RNF13: variants seen among roughly 807,000 people sequenced by gnomAD.
RNF13 encodes ring finger protein 13.
In RNF13, 19 loss-of-function variants were observed where a neutral mutation model predicts 37.7. The observed-to-expected ratio is 0.50, with a 90% CI of 0.35 to 0.74. RNF13 has a LOEUF of 0.74. Ranked by LOEUF, RNF13 falls within the 30% of genes least tolerant of loss-of-function variation. RNF13 has a pLI of 0.01. For missense variants in RNF13, 375 were observed against 453.0 expected, an observed-to-expected ratio of 0.83 and a Z score of 1.56; for synonymous variants, 144 against 157.8, an observed-to-expected ratio of 0.91 and a Z score of 0.65.
At chr3:149,859,693 A>G (rs1285809627) in intron 3 of RNF13, among the ~76,000 whole-genome samples, 1 of 152,050 alleles carries the variant, frequency 6.6e-6, no homozygotes, top group African/African-American at 2.4e-5. Flanking sequence ...TATTTTTCTC[A>G]TTAGAAGAGT....
At chr3:149,831,381 T>C (rs1721035795) in intron 1 of RNF13, among the ~76,000 whole-genome samples, 1 of 152,198 alleles carries the variant, frequency 6.6e-6, no homozygotes, top group Non-Finnish European at 1.5e-5. Context: ...GGAGCCCACC[T>C]CTTCCTCAGC....
At chr3:149,883,293 T>C (rs1282617171) in intron 4 of RNF13, among the ~76,000 whole-genome samples, 2 of 152,094 alleles carry the variant, frequency 1.3e-5, no homozygotes, top group African/African-American at 4.8e-5. Flanking sequence ...AGTTTAATAA[T>C]TTCTATTCCT....
chr3:149,910,455 A>AT (rs1320090497), intron 6 of RNF13, among the ~76,000 whole-genome samples: 1 of 152,128 alleles, frequency 6.6e-6, no homozygotes, highest in Non-Finnish European at 1.5e-5. Context: ...AATTCCTGGT[A>AT]TTTTTTGTTT....
intron 8 of RNF13, among the ~76,000 whole-genome samples, chr3:149,930,544 G>T (rs1576554467): frequency 6.6e-6 from 1 of 152,124 alleles, no homozygotes; most frequent in East Asian, 1.9e-4. Context: ...TGATGTCTTT[G>T]CCTAGTTGTG....
chr3:149,880,496 T>A (rs1021646746), intron 4 of RNF13, among the ~76,000 whole-genome samples: 2 of 152,194 alleles, frequency 1.3e-5, no homozygotes, highest in African/African-American at 4.8e-5. Flanking sequence ...GTGTGGTTCA[T>A]TACAAAGTAA....
intron 5 of RNF13, 150 bp from the exon 6 acceptor site, chr3:149,901,922 T>C: frequency 2.3e-6 from 1 of 429,822 alleles, no homozygotes; most frequent in Non-Finnish European, 4.2e-6. Context: ...ATTTTGATGA[T>C]GAATAAAATC....
chr3:149,826,412 G>C (rs577391623), intron 1 of RNF13, among the ~76,000 whole-genome samples: 1 of 152,258 alleles, frequency 6.6e-6, no homozygotes, highest in South Asian at 2.1e-4. Flanking sequence ...CTCAAGATCT[G>C]CCCTTTCTCT....
intron 1 of RNF13, among the ~76,000 whole-genome samples, chr3:149,816,821 G>T (rs1343204913): frequency 2.0e-5 from 3 of 152,188 alleles, no homozygotes; most frequent in Admixed American, 1.3e-4. Flanking sequence ...AAGCCTAGAA[G>T]TAGGAATACC....
At chr3:149,823,854 A>C (rs1387920286) in intron 1 of RNF13, among the ~76,000 whole-genome samples, 3 of 152,240 alleles carry the variant, frequency 2.0e-5, no homozygotes, top group Non-Finnish European at 4.4e-5. Flanking sequence ...TACGGAGTTA[A>C]AGTTGTAAAA....
chr3:149,921,410 T>C (rs1273249415), intron 8 of RNF13, among the ~76,000 whole-genome samples, 183 bp downstream of exon 8: 1 of 152,202 alleles, frequency 6.6e-6, no homozygotes, highest in East Asian at 1.9e-4. Flanking sequence ...CATCAACTCG[T>C]CATTTACATT....
chr3:149,838,122 C>T (rs561492404), intron 1 of RNF13, among the ~76,000 whole-genome samples: 6 of 152,320 alleles, frequency 3.9e-5, no homozygotes, highest in South Asian at 2.1e-4. Context: ...ATCCAGGTCA[C>T]GCTGATGCAA....
At chr3:149,915,798 A>G (rs1367951039) in intron 7 of RNF13, among the ~76,000 whole-genome samples, 1 of 152,204 alleles carries the variant, frequency 6.6e-6, no homozygotes, top group Non-Finnish European at 1.5e-5. Flanking sequence ...AGCCAAATTC[A>G]TAGAGACAGA....
At chr3:149,938,175 A>C (rs1168489720) in intron 8 of RNF13, among the ~76,000 whole-genome samples, 1 of 150,998 alleles carries the variant, frequency 6.6e-6, no homozygotes, top group African/African-American at 2.4e-5. Flanking sequence ...AATTTTTTAA[A>C]ATTTTTTATT....
At chr3:149,837,149 G>A (rs1295925291) in intron 1 of RNF13, among the ~76,000 whole-genome samples, 1 of 152,158 alleles carries the variant, frequency 6.6e-6, no homozygotes, top group Non-Finnish European at 1.5e-5. Flanking sequence ...ATGTCTGTAT[G>A]CCACATTAAG....
intron 1 of RNF13, among the ~76,000 whole-genome samples, chr3:149,818,906 G>A (rs1455576445): frequency 6.6e-6 from 1 of 151,962 alleles, no homozygotes; most frequent in Non-Finnish European, 1.5e-5. Flanking sequence ...GCGTGACTCT[G>A]TCTCAAAAAA....
intron 3 of RNF13, among the ~76,000 whole-genome samples, chr3:149,867,125 G>A (rs1457711213): frequency 2.0e-5 from 3 of 152,018 alleles, no homozygotes; most frequent in African/African-American, 7.3e-5. Flanking sequence ...TTATTGTATT[G>A]TAGTCTCTCT....
At chr3:149,891,305 G>A (rs1576831428) in intron 4 of RNF13, among the ~76,000 whole-genome samples, 2 of 152,212 alleles carry the variant, frequency 1.3e-5, no homozygotes, top group South Asian at 2.1e-4. Context: ...TTTTTAAAAG[G>A]TCTCTATTCA....
rs539099531 is a variant in RNF13 at position 149,842,062 on chromosome 3, GTCTC to G, written c.-16-3941_-16-3938del. ...TTCTCTCTTGACTTTTGTGAAATCA[GTCTC>G]TCTCTCTTTTTTCTTTTTCCACCTG... On this transcript the variant is annotated intron_variant, in intron 1 of 9. Transcript: ENST00000392894. 1.7e-3 allele frequency among the ~76,000 whole-genome samples: 261 copies of G among 152,210 alleles called. 3 individuals are homozygous for G. The highest frequency in any genetic ancestry group is 6.2e-3 in the Admixed American group (95 of 15,294).
chr3:149,957,237 T>G (rs1356983208), intron 8 of RNF13, among the ~76,000 whole-genome samples: 1 of 152,206 alleles, frequency 6.6e-6, no homozygotes, highest in Non-Finnish European at 1.5e-5. Flanking sequence ...CCATGGTACA[T>G]GAAGCATTTT....
Sources: allele counts gnomAD v4.1 joint callset (sites outside exome capture counted in the v4.1 genomes callset), GRCh38; gene constraint gnomAD v4.1.1; transcripts MANE v1.5; gene names NCBI Gene and HGNC (gene_info 2026-07-23, HGNC 2026-07-21).